SARNP: variants seen among roughly 807,000 people sequenced by gnomAD.
The protein encoded by SARNP is SAP domain containing ribonucleoprotein, also known as SAP domain-containing ribonucleoprotein.
In SARNP, 5 loss-of-function variants were observed where a neutral mutation model predicts 38.1. The observed-to-expected ratio is 0.13, with a 90% CI of 0.07 to 0.28. SARNP has a LOEUF of 0.28. Among genes scored for constraint, SARNP ranks in the 10% least tolerant of loss-of-function variants. The pLI, the probability that SARNP is intolerant of heterozygous loss-of-function variation, is 1.00. For missense variants in SARNP, 180 were observed against 243.9 expected (o/e 0.74, Z 1.75); for synonymous variants, 84 against 80.6 (o/e 1.04, Z -0.23).
chr12:55,764,714 A>AG (rs1878775465), intron 9 of SARNP, among the ~76,000 whole-genome samples: 1 of 147,106 alleles, frequency 6.8e-6, no homozygotes, highest in Non-Finnish European at 1.5e-5. Flanking sequence ...GGCGAGTAGT[A>AG]GTCCCTACTC....
intron 9 of SARNP, among the ~76,000 whole-genome samples, chr12:55,784,061 G>A (rs1339932520): frequency 1.3e-5 from 2 of 152,044 alleles, no homozygotes; most frequent in African/African-American, 4.8e-5. Context: ...CAGCAAGCAC[G>A]CAGGGTCGTA....
intron 1 of SARNP, among the ~76,000 whole-genome samples, chr12:55,806,268 A>T (rs926308242): frequency 1.1e-4 from 16 of 148,934 alleles, no homozygotes; most frequent in South Asian, 4.2e-4. Flanking sequence ...AGACTAAATT[A>T]AAAAAAATTT....
At chr12:55,794,957 TAAAAA>T (rs373511418) in intron 5 of SARNP, 77 bp from the exon 6 acceptor site, 26 of 145,336 alleles carry the variant, frequency 1.8e-4, no homozygotes, top group East Asian at 6.3e-4. Context: ...TAGGTATCTT[TAAAAA>T]AAAAAAAAAA....
intron 1 of SARNP, among the ~76,000 whole-genome samples, chr12:55,810,637 G>C (rs1487304081): frequency 6.6e-6 from 1 of 151,740 alleles, no homozygotes; most frequent in Non-Finnish European, 1.5e-5. Flanking sequence ...TTTTTTAGAA[G>C]AGATGGGATT....
rs563382688 is a variant in SARNP, at chr12:55,763,539, C to T, written c.502-2899G>A. On this transcript the variant is annotated intron_variant, in intron 9 of 10. Transcript: ENST00000336133. ...GCCAAACTGGTCTCGAACTCCTGAC[C>T]TCAGGTGATCCGCCCACTTCGCCTT... Among the ~76,000 whole-genome samples the T allele has an allele frequency of 2.0e-5, 3 of 152,288 alleles. No individual in the cohort carries two copies. The East Asian group carries it at 5.8e-4, about 29-fold the overall frequency.
chr12:55,794,798 G>A lies in SARNP; in HGVS notation c.377+9C>T. 2 of 1,583,156 alleles carry A rather than the reference G, an allele frequency of 1.3e-6. No homozygotes were observed. Among genetic ancestry groups the A allele is most frequent in the Non-Finnish European group, 1.7e-6 (2 of 1,152,912 alleles). On this transcript the variant is annotated intron_variant, in intron 6 of 10. Coordinates refer to ENST00000336133, the MANE Select transcript of SARNP (RefSeq NM_033082.4). ...CCTATCAGAGGCCCAAAAGGCTGGG[G>A]ACACTCACCTAGCTGCCCGAGCAGC...
In SARNP at chr12:55,757,365, C is replaced by T. The variant is rs76956510; in HGVS notation, c.*147G>A. ...AAACAGCAATAAGTCAAACTGCTGC[C>T]GCAGTTCATGGATGTACCTGGGGTA... is the stretch of plus-strand genomic sequence containing the variant. On this transcript the variant is annotated 3_prime_UTR_variant, in exon 11 of 11. Coordinates refer to ENST00000336133, the MANE Select transcript of SARNP (RefSeq NM_033082.4). The T allele has an allele frequency of 3.8e-3, 1,849 of 482,968 alleles. 29 individuals are homozygous for T. Among genetic ancestry groups the T allele is most frequent in the African/African-American group, 0.033 (1,674 of 50,110 alleles). The allele number at this position is 482,968 out of a possible 1,614,324, so 29.9% of individuals were successfully genotyped here. A position where few individuals can be genotyped will look rare whatever the true frequency, so the allele number is the denominator to read the frequency against.
intron 4 of SARNP, among the ~76,000 whole-genome samples, chr12:55,798,756 A>ACT (rs1879890838): frequency 6.6e-6 from 1 of 152,248 alleles, no homozygotes; most frequent in African/African-American, 2.4e-5. Flanking sequence ...ACAAGGTTCT[A>ACT]AGTTGATAAC....
intron 9 of SARNP, among the ~76,000 whole-genome samples, chr12:55,787,335 T>C (rs1043526412): frequency 2.6e-5 from 4 of 151,916 alleles, no homozygotes; most frequent in Non-Finnish European, 5.9e-5. Context: ...TTACTTTTAG[T>C]GTTTAGTTTT....
At chr12:55,795,767 G>A (rs191664029) in intron 5 of SARNP, among the ~76,000 whole-genome samples, 3 of 152,216 alleles carry the variant, frequency 2.0e-5, no homozygotes, top group East Asian at 1.9e-4. Context: ...CTAATCCTAG[G>A]TTTGAAAACA....
chr12:55,762,811 T>C (rs1878716271), intron 9 of SARNP, among the ~76,000 whole-genome samples: 1 of 152,216 alleles, frequency 6.6e-6, no homozygotes, highest in Non-Finnish European at 1.5e-5. Context: ...AGCAGCCACC[T>C]GTACAAATCA....
At chr12:55,785,357 T>C (rs992161918) in intron 9 of SARNP, among the ~76,000 whole-genome samples, 10 of 152,116 alleles carry the variant, frequency 6.6e-5, no homozygotes, top group African/African-American at 1.2e-4. Flanking sequence ...GTCAAGTTAA[T>C]TGACTCAGTT....
chr12:55,760,541 A>T lies in SARNP; in HGVS notation c.591+10T>A. 2 of 1,537,142 alleles carry T rather than the reference A, an allele frequency of 1.3e-6. No homozygotes were observed. Among genetic ancestry groups the T allele is most frequent in the Non-Finnish European group, 1.8e-6 (2 of 1,109,674 alleles). On this transcript the variant is annotated intron_variant, in intron 10 of 10. Coordinates refer to ENST00000336133, the MANE Select transcript of SARNP (RefSeq NM_033082.4). ...TCAAGGTCTATGAAGCGTTCCAGGTATATTTTTACCTCTGTATCCTCTGTG... is the reference window on the plus strand; with the variant it reads ...TCAAGGTCTATGAAGCGTTCCAGGTTTATTTTTACCTCTGTATCCTCTGTG...
chr12:55,786,418 C>T (rs1879494849), intron 9 of SARNP, among the ~76,000 whole-genome samples: 1 of 150,556 alleles, frequency 6.6e-6, no homozygotes, highest in Non-Finnish European at 1.5e-5. Context: ...CCATATGGCA[C>T]AACACAAGTG....
At chr12:55,798,554 A>C (rs1879885468) in intron 4 of SARNP, among the ~76,000 whole-genome samples, 1 of 152,224 alleles carries the variant, frequency 6.6e-6, no homozygotes, top group African/African-American at 2.4e-5. Context: ...TTAAATGTAC[A>C]TCCTCTGTGA....
At chr12:55,807,902 C>A (rs1880204388) in intron 1 of SARNP, among the ~76,000 whole-genome samples, 1 of 151,310 alleles carries the variant, frequency 6.6e-6, no homozygotes, top group Non-Finnish European at 1.5e-5. Context: ...GAGAACAAGT[C>A]TTTTGATCTT....
At chr12:55,756,625 T>G (rs1411102969), downstream of SARNP, 1 of 152,206 alleles carries the variant, frequency 6.6e-6, no homozygotes, top group Non-Finnish European at 1.5e-5. Flanking sequence ...GGAGAAATTC[T>G]GCAATAACAT....
chr12:55,771,994 G>A (rs1016534349), intron 9 of SARNP, among the ~76,000 whole-genome samples: 1 of 152,094 alleles, frequency 6.6e-6, no homozygotes, highest in African/African-American at 2.4e-5. Context: ...TATTCTCTCA[G>A]AAACACTTGG....
chr12:55,802,274 G>C (rs1274361811), intron 2 of SARNP, among the ~76,000 whole-genome samples: 1 of 151,800 alleles, frequency 6.6e-6, no homozygotes, highest in African/African-American at 2.4e-5. Context: ...CCATTCTTGG[G>C]CATATACCCC....
Sources: allele counts gnomAD v4.1 joint callset (sites outside exome capture counted in the v4.1 genomes callset), GRCh38; gene constraint gnomAD v4.1.1; transcripts MANE v1.5; gene names NCBI Gene and HGNC (gene_info 2026-07-23, HGNC 2026-07-21).